Variants in PDGFD observed in about 807,000 individuals in gnomAD.
PDGFD encodes platelet derived growth factor D, also known as platelet-derived growth factor D.
PDGFD carries 30 observed loss-of-function variants against 44.7 expected under a neutral mutation model. That is an observed-to-expected ratio of 0.67 (90% CI 0.50 to 0.91). PDGFD has a LOEUF of 0.91. PDGFD is among the 40% of genes least tolerant of loss of function. The pLI is 0.00. For synonymous variants in PDGFD, 173 were observed against 168.4 expected, an observed-to-expected ratio of 1.03 and a Z score of -0.21; for missense variants, 445 against 457.8, an observed-to-expected ratio of 0.97 and a Z score of 0.25.
chr11:104,086,336 G>A (rs58235783), intron 1 of PDGFD, among the ~76,000 whole-genome samples: 7,836 of 152,236 alleles, frequency 0.051, 674 homozygotes, highest in African/African-American at 0.18. Flanking sequence ...CATGTTTTAG[G>A]ATGAATTTTG....
chr11:104,059,387 T>G (rs979228881), intron 1 of PDGFD, among the ~76,000 whole-genome samples: 4 of 152,250 alleles, frequency 2.6e-5, no homozygotes, highest in Non-Finnish European at 5.9e-5. Flanking sequence ...TAGGACATGA[T>G]TCTTAAATAT....
At chr11:103,945,576 A>G (rs1254916764) in intron 4 of PDGFD, 3 of 152,208 alleles carry the variant, frequency 2.0e-5, no homozygotes, top group Non-Finnish European at 4.4e-5. Context: ...CACATAAAAA[A>G]TCTTTGAAAT....
chr11:104,058,746 T>C (rs916417215), intron 1 of PDGFD, among the ~76,000 whole-genome samples: 3 of 152,228 alleles, frequency 2.0e-5, no homozygotes, highest in African/African-American at 7.2e-5. Flanking sequence ...CAAATGCCCA[T>C]TGAATGAATA....
At chr11:104,037,841 G>A in intron 1 of PDGFD, 1 of 1,614,152 alleles carries the variant, frequency 6.2e-7, no homozygotes, top group East Asian at 2.2e-5. Context: ...AGACATCAAT[G>A]TTCCATCGAT....
rs1861535220 is a variant in PDGFD at position 104,110,389 on chromosome 11, T to C, written c.124+53415A>G. Among the ~76,000 whole-genome samples the C allele has an allele frequency of 6.0e-5, 8 of 133,824 alleles. 1 individual carries two copies. The South Asian group carries it at 1.8e-3, about 30-fold the overall frequency. 87.8% of individuals were successfully genotyped at this position (133,824 alleles called of 152,430 possible). On this transcript the variant is annotated intron_variant, in intron 1 of 6. Transcript: ENST00000393158. The stretch of plus-strand genomic sequence containing the variant: ...AACCCAATTTGAATTCGAAAGACTG[T>C]GAGTAGTAGTTATCTCAGACCTCCG...
chr11:103,927,182 A>G (rs1248642317), intron 5 of PDGFD, 56 bp from the exon 6 acceptor site: 2 of 1,493,558 alleles, frequency 1.3e-6, no homozygotes, highest in East Asian at 2.3e-5. Context: ...ACAATTGCTC[A>G]GCATGTGTTT....
chr11:104,067,230 C>T (rs988352798), intron 1 of PDGFD, among the ~76,000 whole-genome samples: 1 of 152,074 alleles, frequency 6.6e-6, no homozygotes, highest in African/African-American at 2.4e-5. Context: ...GGGAGTGTGA[C>T]AAATATTTTT....
At chr11:104,096,619 T>C (rs7951767) in intron 1 of PDGFD, among the ~76,000 whole-genome samples, 9,343 of 152,252 alleles carry the variant, frequency 0.061, 337 homozygotes, top group African/African-American at 0.1. Context: ...CATACAATCA[T>C]TCTAAGAGTA....
Position 104,095,028 on chromosome 11 carries a change from CT to C in PDGFD, c.124+68775del, listed in dbSNP as rs1247362671. Among the ~76,000 whole-genome samples, 7 of 152,118 alleles carry C rather than the reference CT, an allele frequency of 4.6e-5. No individual in the cohort carries two copies. The East Asian group carries it at 5.8e-4, about 13-fold the overall frequency. ...GGCATCAAGATCTTTTCTGCCTAAA[CT>C]TTTTTTTCCTGGTAGGTGCCTGTAT... On this transcript the variant is annotated intron_variant, in intron 1 of 6. Coordinates refer to ENST00000393158, the MANE Select transcript of PDGFD (RefSeq NM_025208.5).
intron 6 of PDGFD, among the ~76,000 whole-genome samples, chr11:103,917,243 G>A (rs1200335766): frequency 6.6e-6 from 1 of 152,072 alleles, no homozygotes; most frequent in East Asian, 1.9e-4. Flanking sequence ...TAATACCTGT[G>A]TATCAATACA....
intron 5 of PDGFD, among the ~76,000 whole-genome samples, chr11:103,928,533 G>C (rs889760512): frequency 3.3e-5 from 5 of 152,202 alleles, no homozygotes; most frequent in African/African-American, 1.2e-4. Flanking sequence ...GCAGGAACAA[G>C]TGTGGACCAT....
chr11:103,974,999 G>C (rs1859161690), intron 3 of PDGFD, among the ~76,000 whole-genome samples: 1 of 152,002 alleles, frequency 6.6e-6, no homozygotes, highest in African/African-American at 2.4e-5. Context: ...ATAATTCTTT[G>C]GGTATATACC....
intron 1 of PDGFD, chr11:104,037,061 TG>T (rs1287787240): frequency 1.2e-6 from 2 of 1,614,244 alleles, no homozygotes; most frequent in Non-Finnish European, 1.7e-6. Context: ...AAGGACAATG[TG>T]GGACCTCGGG....
At chr11:103,968,687 C>T (rs1859055555) in intron 3 of PDGFD, among the ~76,000 whole-genome samples, 1 of 152,180 alleles carries the variant, frequency 6.6e-6, no homozygotes, top group Non-Finnish European at 1.5e-5. Context: ...TTTCTCAATT[C>T]TTGCAGAGCT....
intron 1 of PDGFD, among the ~76,000 whole-genome samples, chr11:104,094,928 A>T (rs1157918506): frequency 6.6e-6 from 1 of 152,106 alleles, no homozygotes; most frequent in Non-Finnish European, 1.5e-5. Context: ...GCATGATGTG[A>T]CCCCTGCTAG....
Position 103,911,784 on chromosome 11 carries a change from A to G in PDGFD, c.988-1965T>C, listed in dbSNP as rs1175966136. Reference sequence around the variant, plus strand: ...AATAATCAGTGTAGAGAAGAACATAAATGACCTGATGGAGCTGAAAAACGC... The same window carrying G: ...AATAATCAGTGTAGAGAAGAACATAGATGACCTGATGGAGCTGAAAAACGC... On this transcript the variant is annotated intron_variant, in intron 6 of 6. Coordinates refer to ENST00000393158, the MANE Select transcript of PDGFD (RefSeq NM_025208.5). Among the ~76,000 whole-genome samples, 3 of 151,978 alleles carry G rather than the reference A, an allele frequency of 2.0e-5. No individual in the cohort carries two copies. The East Asian group carries it at 5.8e-4, about 29-fold the overall frequency.
intron 3 of PDGFD, among the ~76,000 whole-genome samples, chr11:103,951,981 C>T (rs572902316): frequency 6.6e-6 from 1 of 152,306 alleles, no homozygotes; most frequent in East Asian, 1.9e-4. Flanking sequence ...AGTATATATT[C>T]CAATTTCTCT....
At chr11:104,117,248 ATT>A (rs1468292387) in intron 1 of PDGFD, among the ~76,000 whole-genome samples, 1 of 152,056 alleles carries the variant, frequency 6.6e-6, no homozygotes, top group African/African-American at 2.4e-5. Flanking sequence ...AATAAATGCT[ATT>A]TATGACAAAC....
At chr11:104,057,070 G>A (rs763555589) in intron 1 of PDGFD, among the ~76,000 whole-genome samples, 3 of 152,202 alleles carry the variant, frequency 2.0e-5, no homozygotes, top group Non-Finnish European at 4.4e-5. Context: ...GGAGATTGCA[G>A]TGAGCCCAGA....
Sources: gnomAD v4.1 joint callset for allele counts (sites outside exome capture counted in the v4.1 genomes callset) on GRCh38, gnomAD v4.1.1 for gene constraint, MANE v1.5 for transcripts, NCBI Gene and HGNC (gene_info 2026-07-23, HGNC 2026-07-21) for gene names.